The following TG variants were observed in gnomAD, a reference collection of about 807,000 sequenced individuals.
TG encodes the protein thyroglobulin.
A neutral mutation model predicts 324.7 loss-of-function variants in TG; 270 were observed. The observed-to-expected ratio is 0.83, with a 90% CI of 0.75 to 0.92. TG has a LOEUF of 0.92. Ranked by LOEUF, TG falls within the 40% of genes least tolerant of loss-of-function variation. The probability of loss-of-function intolerance (pLI) is 0.00; values close to 1 mark genes in which losing one functional copy is unlikely to be tolerated. For synonymous variants in TG, 1,401 were observed against 1,327.0 expected (o/e 1.06, Z -1.21); for missense variants, 3,591 against 3,456.4 (o/e 1.04, Z -0.98).
chr8:132,936,012 C>A, intron 25 of TG, 148 bp downstream of exon 25: 1 of 711,446 alleles, frequency 1.4e-6, no homozygotes, highest in Non-Finnish European at 2.5e-6. Flanking sequence ...GAGCTCCATC[C>A]TTTGGCAGAC....
intron 41 of TG, among the ~76,000 whole-genome samples, chr8:133,035,507 T>A (rs1837020916): frequency 6.6e-6 from 1 of 152,224 alleles, no homozygotes; most frequent in South Asian, 2.1e-4. Context: ...TTTACTTATC[T>A]TTGCTTACTG....
chr8:132,966,541 C>T lies in TG; in HGVS notation c.5549-19C>T, dbSNP rs1315967887. 1 of 1,613,850 alleles carries T rather than the reference C, an allele frequency of 6.2e-7. No homozygotes were observed. ...TAGAGTTAAAGGTGCAGGAAGTTGA[C>T]TCCCTGCTTCTTTTTCAGGTTTGAC... is the stretch of plus-strand genomic sequence containing the variant. On this transcript the variant is annotated intron_variant, in intron 29 of 47. Transcript: ENST00000220616.
At chr8:132,948,687 T>C in intron 26 of TG, 89 bp from the exon 27 acceptor site, 1 of 1,413,730 alleles carries the variant, frequency 7.1e-7, no homozygotes, top group Non-Finnish European at 1.0e-6. Context: ...TCACCTATCT[T>C]TATTTGCAAA....
At chr8:133,058,713 C>T (rs1247238958) in intron 41 of TG, among the ~76,000 whole-genome samples, 3 of 152,218 alleles carry the variant, frequency 2.0e-5, no homozygotes, top group Admixed American at 1.3e-4. Context: ...CCACCCTGCA[C>T]GTTGCACGCT....
In TG at chr8:132,897,803, A is replaced by T. The variant is rs547035649; in HGVS notation, c.3139+17A>T. ...CTGGGACTGGTAAGGAGGGATAGGC[A>T]CCTTCAGGTGGCCAAGTGACACCCC... is the stretch of plus-strand genomic sequence containing the variant. On this transcript the variant is annotated intron_variant, in intron 12 of 47. Coordinates refer to ENST00000220616, the MANE Select transcript of TG (RefSeq NM_003235.5). 1 of 1,613,914 alleles carries T rather than the reference A, an allele frequency of 6.2e-7. No homozygotes were observed. Among genetic ancestry groups the T allele is most frequent in the East Asian group, 2.2e-5 (1 of 44,886 alleles).
chr8:133,025,413 A>G (rs1835980852), intron 40 of TG, among the ~76,000 whole-genome samples: 1 of 152,200 alleles, frequency 6.6e-6, no homozygotes, highest in East Asian at 1.9e-4. Flanking sequence ...TTTAAATAAT[A>G]GATTTTATTA....
rs200030345 is a variant in TG at position 132,966,526 on chromosome 8, G to T, written c.5549-34G>T. 5.0e-5 allele frequency: 80 copies of T among 1,613,146 alleles called. No homozygotes were observed. The East Asian group carries it at 1.7e-3, about 34-fold the overall frequency. On this transcript the variant is annotated intron_variant, in intron 29 of 47. Coordinates refer to ENST00000220616, the MANE Select transcript of TG (RefSeq NM_003235.5). ...TTTTCTCATATTCACTAGAGTTAAAGGTGCAGGAAGTTGACTCCCTGCTTC... is the reference window on the plus strand; with the variant it reads ...TTTTCTCATATTCACTAGAGTTAAATGTGCAGGAAGTTGACTCCCTGCTTC...
At chr8:133,043,980 T>C (rs1394038478) in intron 41 of TG, among the ~76,000 whole-genome samples, 1 of 152,054 alleles carries the variant, frequency 6.6e-6, no homozygotes, top group Non-Finnish European at 1.5e-5. Context: ...AGCTCACGAT[T>C]ATGGGCCAGG....
At chr8:132,879,741 C>T (rs1362205908) in intron 5 of TG, among the ~76,000 whole-genome samples, 4 of 152,028 alleles carry the variant, frequency 2.6e-5, no homozygotes, top group South Asian at 2.1e-4. Context: ...CTCCAATGTG[C>T]GGGAAGCAGG....
At chr8:132,996,110 T>A (rs953868657) in intron 35 of TG, among the ~76,000 whole-genome samples, 1 of 152,198 alleles carries the variant, frequency 6.6e-6, no homozygotes, top group Non-Finnish European at 1.5e-5. Context: ...GGTCACAAGT[T>A]GTGATCTTGG....
chr8:132,940,050 G>C lies in TG; in HGVS notation c.5042-1301G>C, dbSNP rs140129087. On this transcript the variant is annotated intron_variant, in intron 25 of 47. Coordinates refer to ENST00000220616, the MANE Select transcript of TG (RefSeq NM_003235.5). Reference sequence around the variant, plus strand: ...ATCATCCTCATTGTACAGATGGGAAGCTTGGGAGGCTGAGGATCCAAGGAA... The same window carrying C: ...ATCATCCTCATTGTACAGATGGGAACCTTGGGAGGCTGAGGATCCAAGGAA... Among the ~76,000 whole-genome samples, 609 of 152,258 alleles carry C rather than the reference G, an allele frequency of 4.0e-3. 1 individual carries two copies. Among genetic ancestry groups the C allele is most frequent in the Non-Finnish European group, 6.8e-3 (465 of 68,012 alleles).
rs1829163023 is a variant in TG at position 132,969,527 on chromosome 8, TTAGAAA to T, written c.5936_5941del (p.Arg1979_Asn1980del). 1.2e-6 allele frequency: 2 copies of T among 1,613,968 alleles called. No individual in the cohort carries two copies. Among genetic ancestry groups the T allele is most frequent in the Non-Finnish European group, 1.7e-6 (2 of 1,179,854 alleles). On this transcript the variant is annotated inframe_deletion, in exon 32 of 48. Coordinates refer to ENST00000220616, the MANE Select transcript of TG (RefSeq NM_003235.5). ...TTCCAAAAACTGATGGGGATATCCA[TTAGAAA>T]TAAAGTGCCCATGTCTGAAAAATCT...
At position 132,886,974 on chromosome 8, in the gene TG, C is replaced by T. The variant is rs1815512184; in HGVS notation, c.1602C>T (p.Thr534=). 6 of 1,614,136 alleles carry T rather than the reference C, an allele frequency of 3.7e-6. No homozygotes were observed. Among genetic ancestry groups the T allele is most frequent in the Non-Finnish European group, 5.1e-6 (6 of 1,180,032 alleles). ...TAGATTCAAATTCTTCCACAGGAAC[C>T]CCTGAAGCTGCTAAGAAGGATGGTA... ...VGLDSNSSTG[T]PEAAKKDGTM... Residue 534 remains threonine, a synonymous_variant, in exon 9 of 48, where the codon ACC becomes ACT. Transcript: ENST00000220616.
In TG at chr8:132,882,578, C is replaced by T. The variant is rs756997698; in HGVS notation, c.855C>T (p.Leu285=). The part of the protein sequence containing the change: ...TLYRILQRRF[L]AVQSVISGRF... Reference sequence around the variant, plus strand: ...ACCGGATACTGCAGAGACGGTTCCTCGCAGTTCAATCAGTCATCTCTGGCA... The same window carrying T: ...ACCGGATACTGCAGAGACGGTTCCTTGCAGTTCAATCAGTCATCTCTGGCA... The change falls in exon 7 of 48, where the codon CTC becomes CTT. Residue 285 remains leucine (L), a synonymous_variant. Coordinates refer to ENST00000220616, the MANE Select transcript of TG (RefSeq NM_003235.5). 4.0e-5 allele frequency: 65 copies of T among 1,614,054 alleles called. No individual in the cohort carries two copies. Among genetic ancestry groups the T allele is most frequent in the South Asian group, 8.8e-5 (8 of 91,086 alleles).
At chr8:133,057,277 C>T (rs1282255925) in intron 41 of TG, among the ~76,000 whole-genome samples, 1 of 152,072 alleles carries the variant, frequency 6.6e-6, no homozygotes, top group Non-Finnish European at 1.5e-5. Flanking sequence ...TGGAAATATG[C>T]CATTTCCTGA....
intron 10 of TG, among the ~76,000 whole-genome samples, chr8:132,889,964 T>A (rs1156751893): frequency 6.6e-6 from 1 of 152,010 alleles, no homozygotes; most frequent in Non-Finnish European, 1.5e-5. Flanking sequence ...GTACTTTTAG[T>A]AGAGACGGGG....
chr8:132,948,733 C>A, intron 26 of TG, 43 bp from the exon 27 acceptor site: 1 of 1,605,730 alleles, frequency 6.2e-7, no homozygotes, highest in African/African-American at 1.3e-5. Context: ...TCTAAAGGTC[C>A]CCCTCCATCA....
chr8:132,939,369 T>A (rs1824085037), intron 25 of TG, among the ~76,000 whole-genome samples: 2 of 152,112 alleles, frequency 1.3e-5, no homozygotes, highest in Middle Eastern at 3.2e-3. Context: ...CTCTCTCAAG[T>A]AGCTTAAATA....
At position 132,945,622 on chromosome 8, in the gene TG, A is replaced by T. The variant is rs981457989; in HGVS notation, c.5234-3154A>T. 2.0e-5 allele frequency among the ~76,000 whole-genome samples: 3 copies of T among 152,246 alleles called. No individual in the cohort carries two copies. In the East Asian group the frequency reaches 5.8e-4, roughly 29 times the overall value. ...GGTGGTATCAAATGTGTGGATATGAATGCAGTTTTCTAGGAGGAGGGTGCA... is the reference window on the plus strand; with the variant it reads ...GGTGGTATCAAATGTGTGGATATGATTGCAGTTTTCTAGGAGGAGGGTGCA... On this transcript the variant is annotated intron_variant, in intron 26 of 47. Coordinates refer to ENST00000220616, the MANE Select transcript of TG (RefSeq NM_003235.5).
Sources: gnomAD v4.1 joint callset for allele counts (sites outside exome capture counted in the v4.1 genomes callset) on GRCh38, gnomAD v4.1.1 for gene constraint, MANE v1.5 for transcripts, NCBI Gene and HGNC (gene_info 2026-07-23, HGNC 2026-07-21) for gene names.